The following ALCAM variants were observed in gnomAD, a reference collection of about 807,000 sequenced individuals.
ALCAM encodes the protein CD166 antigen.
Under a neutral mutation model 70.9 loss-of-function variants are expected in ALCAM, and 30 were observed. That is an observed-to-expected ratio of 0.42 (90% CI 0.32 to 0.57). The LOEUF (loss-of-function observed/expected upper bound fraction) is 0.57. ALCAM is among the 20% of genes least tolerant of loss of function. ALCAM has a pLI of 0.11. For synonymous variants in ALCAM, 249 were observed against 242.5 expected, an observed-to-expected ratio of 1.03 and a Z score of -0.25; for missense variants, 591 against 695.1, an observed-to-expected ratio of 0.85 and a Z score of 1.68.
At chr3:105,444,466 G>A (rs1017788806) in intron 1 of ALCAM, among the ~76,000 whole-genome samples, 2 of 148,470 alleles carry the variant, frequency 1.3e-5, no homozygotes, top group African/African-American at 2.5e-5. Context: ...TACAATCACT[G>A]CCCACTTGGT....
intron 1 of ALCAM, among the ~76,000 whole-genome samples, chr3:105,445,044 A>G (rs569529581): frequency 6.6e-6 from 1 of 152,336 alleles, no homozygotes; most frequent in South Asian, 2.1e-4. Context: ...TATACGATAT[A>G]ATCATAATGC....
intron 1 of ALCAM, among the ~76,000 whole-genome samples, chr3:105,432,880 T>C (rs1337806636): frequency 3.9e-5 from 6 of 152,186 alleles, no homozygotes; most frequent in Admixed American, 3.9e-4. Flanking sequence ...ATATACACTC[T>C]TGTTCTAATC....
chr3:105,392,134 A>T (rs1016059875), intron 1 of ALCAM, among the ~76,000 whole-genome samples: 1 of 152,072 alleles, frequency 6.6e-6, no homozygotes, highest in Admixed American at 6.6e-5. Flanking sequence ...GAATAGTTTC[A>T]GAAGAAATGG....
chr3:105,388,328 A>G (rs1468603089), intron 1 of ALCAM, among the ~76,000 whole-genome samples: 5 of 151,606 alleles, frequency 3.3e-5, no homozygotes, highest in African/African-American at 1.2e-4. Context: ...ATGATTCTTC[A>G]TCTCCACAGA....
intron 1 of ALCAM, among the ~76,000 whole-genome samples, chr3:105,375,134 A>G (rs1386137697): frequency 6.6e-6 from 1 of 152,122 alleles, no homozygotes; most frequent in Non-Finnish European, 1.5e-5. Flanking sequence ...TATTATAGAC[A>G]TTTATTTTCT....
At chr3:105,479,952 G>T (rs923385398) in intron 1 of ALCAM, among the ~76,000 whole-genome samples, 1 of 152,016 alleles carries the variant, frequency 6.6e-6, no homozygotes, top group Non-Finnish European at 1.5e-5. Context: ...ATCAAAATAG[G>T]TTAGCCTTTA....
intron 1 of ALCAM, among the ~76,000 whole-genome samples, chr3:105,377,063 C>G (rs1935396418): frequency 6.6e-6 from 1 of 152,134 alleles, no homozygotes. Flanking sequence ...TACCTCCCTA[C>G]TTAAAAAATA....
chr3:105,525,437 A>G (rs1439224711), intron 3 of ALCAM: 4 of 839,542 alleles, frequency 4.8e-6, no homozygotes, highest in Non-Finnish European at 5.7e-6. Context: ...ACTACAGGGA[A>G]CGAAACAGGT....
chr3:105,386,236 A>G (rs1935651671), intron 1 of ALCAM, among the ~76,000 whole-genome samples: 1 of 151,676 alleles, frequency 6.6e-6, no homozygotes, highest in Non-Finnish European at 1.5e-5. Flanking sequence ...AGGAAGAAGA[A>G]ATTAATATTA....
At chr3:105,490,924 T>C (rs11715283) in intron 1 of ALCAM, among the ~76,000 whole-genome samples, 16,460 of 152,236 alleles carry the variant, frequency 0.11, 1,018 homozygotes, top group Middle Eastern at 0.17. Flanking sequence ...AGTGCCCCAA[T>C]GGGAACTCTG....
At chr3:105,503,448 AG>A (rs1300355929) in intron 1 of ALCAM, among the ~76,000 whole-genome samples, 5 of 152,200 alleles carry the variant, frequency 3.3e-5, no homozygotes, top group African/African-American at 1.2e-4. Flanking sequence ...ATTCTACTTT[AG>A]AAATGTCTCC....
chr3:105,465,263 G>A (rs1014044779), intron 1 of ALCAM, among the ~76,000 whole-genome samples: 2 of 151,360 alleles, frequency 1.3e-5, no homozygotes, highest in Non-Finnish European at 3.0e-5. Context: ...AAGGTAACAC[G>A]ATGTGCAAAC....
At chr3:105,374,330 C>T (rs1223305405) in intron 1 of ALCAM, among the ~76,000 whole-genome samples, 3 of 151,792 alleles carry the variant, frequency 2.0e-5, no homozygotes, top group Admixed American at 6.6e-5. Flanking sequence ...CCGAGGCGGG[C>T]GGATCACCTG....
intron 15 of ALCAM, among the ~76,000 whole-genome samples, chr3:105,573,638 GGTTT>G (rs1447799179): frequency 6.6e-6 from 1 of 152,132 alleles, no homozygotes; most frequent in African/African-American, 2.4e-5. Flanking sequence ...TGCAATTTGA[GGTTT>G]TTCTTTTTAT....
At chr3:105,547,639 G>A in intron 11 of ALCAM, 116 bp downstream of exon 11, 1 of 1,304,648 alleles carries the variant, frequency 7.7e-7, no homozygotes, top group Non-Finnish European at 1.0e-6. Flanking sequence ...GTGTAGGTTG[G>A]TTTGTTACCA....
At chr3:105,532,145 G>T in intron 4 of ALCAM, 79 bp downstream of exon 4, 1 of 1,220,182 alleles carries the variant, frequency 8.2e-7, no homozygotes, top group Non-Finnish European at 1.2e-6. Context: ...TCCAAGACAA[G>T]TAAGAAAGGC....
chr3:105,521,431 A>G (rs1468790229), intron 2 of ALCAM, among the ~76,000 whole-genome samples: 2 of 152,234 alleles, frequency 1.3e-5, no homozygotes, highest in Middle Eastern at 3.4e-3. Context: ...ATTTGACCAC[A>G]CAACTTTTTT....
intron 1 of ALCAM, among the ~76,000 whole-genome samples, chr3:105,471,727 T>C (rs1937935905): frequency 1.3e-5 from 2 of 151,366 alleles, no homozygotes; most frequent in Non-Finnish European, 3.0e-5. Context: ...GAAGTATATA[T>C]GCATTGTGAA....
intron 1 of ALCAM, among the ~76,000 whole-genome samples, chr3:105,473,874 C>T (rs907166841): frequency 1.3e-5 from 2 of 150,182 alleles, no homozygotes; most frequent in East Asian, 3.9e-4. Context: ...CAGAGCCAGA[C>T]AGTTTTGTTT....
Sources: gnomAD v4.1 joint callset for allele counts (sites outside exome capture counted in the v4.1 genomes callset) on GRCh38, gnomAD v4.1.1 for gene constraint, MANE v1.5 for transcripts, NCBI Gene and HGNC (gene_info 2026-07-23, HGNC 2026-07-21) for gene names.